Variants in KCNQ5 observed in about 807,000 individuals in gnomAD.
KCNQ5 encodes the protein potassium voltage-gated channel subfamily Q member 5, also known as potassium voltage-gated channel subfamily KQT member 5.
A neutral mutation model predicts 98.2 loss-of-function variants in KCNQ5; 30 were observed. That is an observed-to-expected ratio of 0.31 (90% CI 0.23 to 0.41). The LOEUF is 0.41. Among genes scored for constraint, KCNQ5 ranks in the 10% least tolerant of loss-of-function variants. KCNQ5 has a pLI of 1.00. For missense variants in KCNQ5, 835 were observed against 1,182.5 expected (o/e 0.71, Z 4.31); for synonymous variants, 458 against 449.4 (o/e 1.02, Z -0.24).
intron 1 of KCNQ5, among the ~76,000 whole-genome samples, chr6:72,763,898 G>T (rs1315680175): frequency 6.6e-6 from 1 of 151,974 alleles, no homozygotes; most frequent in Admixed American, 6.6e-5. Context: ...GTATCCTTGA[G>T]AAAGTATGTA....
At chr6:72,953,887 A>T (rs1007964834) in intron 1 of KCNQ5, among the ~76,000 whole-genome samples, 1 of 152,194 alleles carries the variant, frequency 6.6e-6, no homozygotes, top group South Asian at 2.1e-4. Flanking sequence ...AGGAGACAGC[A>T]CAGCCAATAT....
intron 1 of KCNQ5, among the ~76,000 whole-genome samples, chr6:72,725,378 C>T (rs1770211458): frequency 6.6e-6 from 1 of 152,052 alleles, no homozygotes; most frequent in South Asian, 2.1e-4. Flanking sequence ...TGGAATTCCA[C>T]AGATTAATTT....
chr6:72,829,778 C>T (rs1391631540), intron 1 of KCNQ5, among the ~76,000 whole-genome samples: 1 of 151,992 alleles, frequency 6.6e-6, no homozygotes, highest in African/African-American at 2.4e-5. Flanking sequence ...ATGTTTGAGA[C>T]AAAGTAAATT....
chr6:72,721,058 A>G (rs1769929449), intron 1 of KCNQ5, among the ~76,000 whole-genome samples: 2 of 152,190 alleles, frequency 1.3e-5, no homozygotes, highest in Non-Finnish European at 2.9e-5. Context: ...TTTCCTACCT[A>G]TGTGATAATG....
intron 5 of KCNQ5, among the ~76,000 whole-genome samples, chr6:73,084,015 T>C (rs920223037): frequency 6.6e-6 from 1 of 152,180 alleles, no homozygotes; most frequent in Non-Finnish European, 1.5e-5. Flanking sequence ...TTTAGTTCTT[T>C]CTGTCATCCC....
chr6:73,095,655 A>G (rs1316429214), intron 5 of KCNQ5, among the ~76,000 whole-genome samples: 1 of 152,070 alleles, frequency 6.6e-6, no homozygotes, highest in African/African-American at 2.4e-5. Flanking sequence ...TATGGATGTG[A>G]CTTCCTGAGA....
chr6:73,178,840 T>C (rs76999791), intron 11 of KCNQ5, among the ~76,000 whole-genome samples: 3,043 of 152,324 alleles, frequency 0.02, 42 homozygotes, highest in Non-Finnish European at 0.03. Flanking sequence ...TACAAATCTA[T>C]ATTGTTGAAT....
At chr6:73,178,247 G>T (rs1778288811) in intron 11 of KCNQ5, among the ~76,000 whole-genome samples, 1 of 137,320 alleles carries the variant, frequency 7.3e-6, no homozygotes, top group South Asian at 2.2e-4. Context: ...GGAAGTTCTT[G>T]CTTGGGTTTT....
intron 1 of KCNQ5, among the ~76,000 whole-genome samples, chr6:72,662,604 C>CT (rs35194114): frequency 0.16 from 23,854 of 148,756 alleles, 2,017 homozygotes; most frequent in Middle Eastern, 0.25. Context: ...TTGGAAATAA[C>CT]TTTTTTTTTT....
intron 2 of KCNQ5, among the ~76,000 whole-genome samples, chr6:73,007,958 A>G (rs1331747782): frequency 6.6e-6 from 1 of 152,192 alleles, no homozygotes; most frequent in African/African-American, 2.4e-5. Flanking sequence ...GACATTAATA[A>G]CTGAAAGGTG....
At chr6:73,097,240 C>G (rs575662683) in intron 5 of KCNQ5, among the ~76,000 whole-genome samples, 2 of 149,700 alleles carry the variant, frequency 1.3e-5, no homozygotes, top group Non-Finnish European at 3.0e-5. Context: ...CCCCAACCCC[C>G]AGCCTCTGGT....
chr6:72,776,567 T>C (rs1773171068), intron 1 of KCNQ5, among the ~76,000 whole-genome samples: 1 of 152,206 alleles, frequency 6.6e-6, no homozygotes, highest in South Asian at 2.1e-4. Context: ...CATCATAGAA[T>C]GTTGGAACTG....
At chr6:72,800,518 TC>T (rs1415077896) in intron 1 of KCNQ5, among the ~76,000 whole-genome samples, 1 of 152,188 alleles carries the variant, frequency 6.6e-6, no homozygotes, top group Admixed American at 6.6e-5. Flanking sequence ...TTCTCTCTTT[TC>T]TTCTTTATTA....
At position 72,622,660 on chromosome 6, in the gene KCNQ5, G is replaced by A. The variant is rs540750189; in HGVS notation, c.398+73G>A. ...CCTGGCCCCCTGGGGCGTGCTCCGC[G>A]CTCGCGCCCTTGGGCCCCCGCGCGC... is the stretch of plus-strand genomic sequence containing the variant. On this transcript the variant is annotated intron_variant, in intron 1 of 13. Transcript: ENST00000370398. The surrounding 1 kb of genome is among the most constrained non-coding windows in gnomAD (Gnocchi z 6.0). 322 of 1,556,766 alleles carry A rather than the reference G, an allele frequency of 2.1e-4. No individual in the cohort carries two copies. In the African/African-American group the frequency reaches 3.8e-3, roughly 18 times the overall value.
chr6:73,041,062 T>A (rs1236679542), intron 2 of KCNQ5, among the ~76,000 whole-genome samples: 2 of 152,218 alleles, frequency 1.3e-5, no homozygotes, highest in East Asian at 3.8e-4. Flanking sequence ...AAGTGAATTA[T>A]TTTTTAAAGG....
At chr6:72,903,426 G>T (rs538642755) in intron 1 of KCNQ5, among the ~76,000 whole-genome samples, 1 of 152,134 alleles carries the variant, frequency 6.6e-6, no homozygotes, top group Non-Finnish European at 1.5e-5. Context: ...ACGTTAGATT[G>T]TCAGTTTGTG....
At chr6:73,143,759 A>C (rs894706888) in intron 10 of KCNQ5, among the ~76,000 whole-genome samples, 6 of 152,284 alleles carry the variant, frequency 3.9e-5, no homozygotes, top group Admixed American at 1.3e-4. Flanking sequence ...TTTGTCTGTA[A>C]GTTTTACCAC....
At chr6:72,881,787 G>A (rs1056136135) in intron 1 of KCNQ5, among the ~76,000 whole-genome samples, 2 of 152,182 alleles carry the variant, frequency 1.3e-5, no homozygotes, top group African/African-American at 2.4e-5. Flanking sequence ...CACCTCCTGG[G>A]TTCAAGTGAT....
intron 1 of KCNQ5, among the ~76,000 whole-genome samples, chr6:72,668,047 GTAGT>G (rs1255717775): frequency 2.6e-5 from 4 of 152,110 alleles, no homozygotes; most frequent in African/African-American, 9.7e-5. Flanking sequence ...AATAAAATTT[GTAGT>G]TAGTTAATAC....
Sources: gnomAD v4.1 joint callset for allele counts (sites outside exome capture counted in the v4.1 genomes callset) on GRCh38, gnomAD v4.1.1 for gene constraint, Gnocchi (gnomAD v3.1) non-coding constraint, MANE v1.5 for transcripts, NCBI Gene and HGNC (gene_info 2026-07-23, HGNC 2026-07-21) for gene names.